Variants in PPP1R21 observed in about 807,000 individuals in gnomAD.
The protein encoded by PPP1R21 is protein phosphatase 1 regulatory subunit 21.
A neutral mutation model predicts 112.8 loss-of-function variants in PPP1R21; 85 were observed. That is an observed-to-expected ratio of 0.75 (90% CI 0.63 to 0.90). The LOEUF is 0.90. PPP1R21 is among the 40% of genes least tolerant of loss of function. The probability of loss-of-function intolerance (pLI) is 0.00; values close to 1 mark genes in which losing one functional copy is unlikely to be tolerated. For missense variants in PPP1R21, 1,199 were observed against 901.5 expected, an observed-to-expected ratio of 1.33 and a Z score of -4.23; for synonymous variants, 381 against 322.3, an observed-to-expected ratio of 1.18 and a Z score of -1.95.
Position 48,486,625 on chromosome 2 carries a change from T to C in PPP1R21, c.1319-6T>C. The C allele has an allele frequency of 6.2e-7, 1 of 1,603,698 alleles. No individual in the cohort carries two copies. The highest frequency in any genetic ancestry group is 8.5e-7 in the Non-Finnish European group (1 of 1,171,208). On this transcript the variant is annotated splice_polypyrimidine_tract_variant and splice_region_variant and intron_variant, in intron 13 of 21. Coordinates refer to ENST00000294952, the MANE Select transcript of PPP1R21 (RefSeq NM_001135629.3). ...ATAATGAATTTTCATGTAATTGCTT[T>C]TATAGATATTTCCAAACATTATAGT...
At chr2:48,457,913 T>C in intron 3 of PPP1R21, 2 of 490,528 alleles carry the variant, frequency 4.1e-6, no homozygotes, top group Non-Finnish European at 7.9e-6. Context: ...TCTCTCTCTT[T>C]TTAAAGCTTT....
At chr2:48,464,135 A>G (rs980679391) in intron 7 of PPP1R21, among the ~76,000 whole-genome samples, 3 of 152,190 alleles carry the variant, frequency 2.0e-5, no homozygotes, top group Non-Finnish European at 4.4e-5. Context: ...AAAACAAGCA[A>G]GGCTGAAAGA....
chr2:48,513,385 T>C (rs920399920), intron 21 of PPP1R21, among the ~76,000 whole-genome samples: 20 of 151,552 alleles, frequency 1.3e-4, no homozygotes, highest in South Asian at 1.3e-3. Context: ...TTTTTTTTTT[T>C]GTATTTTTGC....
intron 12 of PPP1R21, 38 bp downstream of exon 12, chr2:48,474,857 C>T: frequency 6.3e-7 from 1 of 1,581,142 alleles, no homozygotes; most frequent in Non-Finnish European, 8.6e-7. Context: ...ACTTCAAGGA[C>T]TTAAGAGTAC....
chr2:48,466,744 A>T (rs1297776062), intron 9 of PPP1R21, among the ~76,000 whole-genome samples: 1 of 152,182 alleles, frequency 6.6e-6, no homozygotes, highest in African/African-American at 2.4e-5. Flanking sequence ...GAACAAAATC[A>T]TGGAGCAGGA....
At chr2:48,510,788 A>G (rs892498126) in intron 20 of PPP1R21, among the ~76,000 whole-genome samples, 16 of 152,234 alleles carry the variant, frequency 1.1e-4, no homozygotes, top group Admixed American at 9.2e-4. Context: ...GGCCTCACCT[A>G]TGGCTCAGCA....
chr2:48,487,836 G>T (rs184570840), intron 14 of PPP1R21, among the ~76,000 whole-genome samples: 1 of 151,650 alleles, frequency 6.6e-6, no homozygotes, highest in South Asian at 2.1e-4. Context: ...CAGAGTGTGC[G>T]TTCATGTGGC....
At chr2:48,493,136 G>A (rs900149636) in intron 15 of PPP1R21, among the ~76,000 whole-genome samples, 1 of 148,948 alleles carries the variant, frequency 6.7e-6, no homozygotes, top group East Asian at 2.0e-4. Context: ...TTCCCAAGTA[G>A]CTGGGACTAC....
chr2:48,507,749 CTTTTTTTTTTTTTTTTTT>C (rs34546075), intron 19 of PPP1R21, among the ~76,000 whole-genome samples: 22 of 42,404 alleles, frequency 5.2e-4, no homozygotes, highest in Admixed American at 8.8e-4. Context: ...GAGGCTCTGC[CTTTTTTTTTTTTTTTTTT>C]TTTTTTTTTT....
At chr2:48,441,726 C>G (rs1667040199) in intron 1 of PPP1R21, among the ~76,000 whole-genome samples, 1 of 152,152 alleles carries the variant, frequency 6.6e-6, no homozygotes, top group Non-Finnish European at 1.5e-5. Context: ...TAACCCTTTC[C>G]TTGGAAAAGG....
chr2:48,466,282 G>A (rs1249676450), intron 9 of PPP1R21, among the ~76,000 whole-genome samples: 1 of 151,876 alleles, frequency 6.6e-6, no homozygotes, highest in East Asian at 1.9e-4. Context: ...TGTGATCTTG[G>A]TTCACTGCAG....
chr2:48,463,574 C>T (rs1668072151), intron 7 of PPP1R21, among the ~76,000 whole-genome samples: 1 of 152,046 alleles, frequency 6.6e-6, no homozygotes, highest in Admixed American at 6.6e-5. Flanking sequence ...GAGAGCCTGA[C>T]AGACGGGCAA....
chr2:48,458,038 G>A (rs748525017), intron 3 of PPP1R21, 88 bp from the exon 4 acceptor site: 5 of 852,352 alleles, frequency 5.9e-6, no homozygotes, highest in Admixed American at 1.8e-5. Context: ...GAAGAGACAA[G>A]CTTCTAAGAT....
chr2:48,461,006 T>C, intron 6 of PPP1R21, 132 bp from the exon 7 acceptor site: 1 of 1,397,010 alleles, frequency 7.2e-7, no homozygotes, highest in South Asian at 1.6e-5. Flanking sequence ...TTAACAACTC[T>C]CTGCCAAGAG....
chr2:48,500,314 T>A (rs919574364), intron 17 of PPP1R21, among the ~76,000 whole-genome samples: 17 of 152,144 alleles, frequency 1.1e-4, no homozygotes, highest in Non-Finnish European at 1.9e-4. Flanking sequence ...AAAAAATATA[T>A]CTGCACAGAT....
chr2:48,494,967 A>T (rs1669759144), intron 15 of PPP1R21, among the ~76,000 whole-genome samples: 1 of 152,186 alleles, frequency 6.6e-6, no homozygotes, highest in African/African-American at 2.4e-5. Context: ...CGGTGTCCCA[A>T]AGTGCTAAGA....
chr2:48,492,779 T>G (rs1669629048), intron 15 of PPP1R21, among the ~76,000 whole-genome samples: 1 of 152,218 alleles, frequency 6.6e-6, no homozygotes. Context: ...TGTGAGTGTT[T>G]CAAATTTTGG....
chr2:48,475,216 G>T (rs1305420650), intron 12 of PPP1R21, among the ~76,000 whole-genome samples: 3 of 151,994 alleles, frequency 2.0e-5, no homozygotes, highest in African/African-American at 7.2e-5. Flanking sequence ...ATCCAGATGT[G>T]GCAGCACTTC....
chr2:48,440,832 C>CGGCGGCGGCGGCGGCTGCGGT lies in PPP1R21; in HGVS notation c.-119_-118insGGCGGCGGCGGCTGCGGTGGC. 1 of 697,372 alleles carries CGGCGGCGGCGGCGGCTGCGGT rather than the reference C, an allele frequency of 1.4e-6. No homozygotes were observed. Among genetic ancestry groups the CGGCGGCGGCGGCGGCTGCGGT allele is most frequent in the South Asian group, 1.7e-5 (1 of 58,880 alleles). 43.2% of individuals were successfully genotyped at this position (697,372 alleles called of 1,614,324 possible). ...GGAGGCGCGGCGGCGGCGGCGGCGGCGGCTGCGGTGGCCAAGCAGGCAGAT... is the reference window on the plus strand; with the variant it reads ...GGAGGCGCGGCGGCGGCGGCGGCGGCGGCGGCGGCGGCGGCTGCGGTGGCTGCGGTGGCCAAGCAGGCAGAT... On this transcript the variant is annotated 5_prime_UTR_variant, in exon 1 of 22. Transcript: ENST00000294952.
Sources: gnomAD v4.1 joint callset for allele counts (sites outside exome capture counted in the v4.1 genomes callset) on GRCh38, gnomAD v4.1.1 for gene constraint, MANE v1.5 for transcripts, NCBI Gene and HGNC (gene_info 2026-07-23, HGNC 2026-07-21) for gene names.